KMT2C: variants seen among roughly 807,000 people sequenced by gnomAD.
The protein encoded by KMT2C is lysine methyltransferase 2C, also known as histone-lysine N-methyltransferase 2C.
A neutral mutation model predicts 507.9 loss-of-function variants in KMT2C; 88 were observed. That is an observed-to-expected ratio of 0.17 (90% CI 0.15 to 0.21). The LOEUF (loss-of-function observed/expected upper bound fraction) is 0.21. Among genes scored for constraint, KMT2C ranks in the 10% least tolerant of loss-of-function variants. The pLI, the probability that KMT2C is intolerant of heterozygous loss-of-function variation, is 1.00. For synonymous variants in KMT2C, 2,049 were observed against 2,080.8 expected, an observed-to-expected ratio of 0.98 and a Z score of 0.42; for missense variants, 4,954 against 5,957.8, an observed-to-expected ratio of 0.83 and a Z score of 5.55.
intron 20 of KMT2C, among the ~76,000 whole-genome samples, chr7:152,223,725 C>T (rs761965633): frequency 2.4e-4 from 36 of 152,084 alleles, no homozygotes; most frequent in Middle Eastern, 3.4e-3. Context: ...ACCCAGGAGG[C>T]GGAGGTGGAG....
chr7:152,189,968 C>T (rs2093741153), intron 31 of KMT2C, among the ~76,000 whole-genome samples: 1 of 152,192 alleles, frequency 6.6e-6, no homozygotes, highest in Non-Finnish European at 1.5e-5. Flanking sequence ...GGGCAAGTGA[C>T]CATTACCGCC....
At chr7:152,266,567 G>A (rs2095861218) in intron 7 of KMT2C, among the ~76,000 whole-genome samples, 1 of 151,954 alleles carries the variant, frequency 6.6e-6, no homozygotes, top group African/African-American at 2.4e-5. Flanking sequence ...TGAAGGTTTG[G>A]TCAATCCTAT....
chr7:152,218,224 G>A (rs997995383), intron 23 of KMT2C, among the ~76,000 whole-genome samples: 10 of 151,962 alleles, frequency 6.6e-5, no homozygotes, highest in African/African-American at 2.4e-4. Flanking sequence ...GAGTGCAGTG[G>A]CTCGATCTTG....
Position 152,230,653 on chromosome 7 carries a change from A to G in KMT2C, c.2770-332T>C, listed in dbSNP as rs138389028. Among the ~76,000 whole-genome samples, 1,322 of 152,354 alleles carry G rather than the reference A, an allele frequency of 8.7e-3. 22 individuals carry two copies. Among genetic ancestry groups the G allele is most frequent in the African/African-American group, 0.031 (1,274 of 41,572 alleles). On this transcript the variant is annotated intron_variant, in intron 16 of 58. Coordinates refer to ENST00000262189, the MANE Select transcript of KMT2C (RefSeq NM_170606.3). ...TATGTACCCACACAAATCTATCACT[A>G]TTTTAATGACACACACTTGGGATCT...
chr7:152,364,176 C>G (rs954358200), intron 1 of KMT2C, among the ~76,000 whole-genome samples: 1 of 152,178 alleles, frequency 6.6e-6, no homozygotes, highest in Non-Finnish European at 1.5e-5. Context: ...AACTTAACTA[C>G]TGGGCATAAT....
At position 152,273,735 on chromosome 7, in the gene KMT2C, G is replaced by A. The variant is rs2129177697; in HGVS notation, c.982C>T (p.Pro328Ser). ...TCAGGAGCTTGGTCAATGTGTTCTG[G>A]ACAAAGCAGGAAGATGTGACTGAAA... is the stretch of plus-strand genomic sequence containing the variant. Reference protein sequence around the residue: ...QDFSHIFLLCPEHIDQAPERS... With the variant: ...QDFSHIFLLCSEHIDQAPERS... The change falls in exon 7 of 59, where the codon CCA becomes TCA. Residue 328 changes from proline to serine, a missense_variant. Physicochemically the swap from Pro to Ser is moderately conservative, Grantham distance 74 (BLOSUM62 -1). This residue lies in a region of KMT2C where 24 missense variants were observed against 82.7 expected (regional missense o/e 0.29). Coordinates refer to ENST00000262189, the MANE Select transcript of KMT2C (RefSeq NM_170606.3). 1 of 1,614,114 alleles carries A rather than the reference G, an allele frequency of 6.2e-7. No individual in the cohort carries two copies. The highest frequency in any genetic ancestry group is 2.2e-5 in the East Asian group (1 of 44,878).
At chr7:152,366,976 G>T (rs1265516996) in intron 1 of KMT2C, 2 of 546,776 alleles carry the variant, frequency 3.7e-6, no homozygotes, top group Non-Finnish European at 6.5e-6. Flanking sequence ...AATGGCCAGC[G>T]CCAGTTGCAG....
chr7:152,192,079 TTA>T (rs924323375), intron 31 of KMT2C, among the ~76,000 whole-genome samples: 1 of 152,056 alleles, frequency 6.6e-6, no homozygotes, highest in Admixed American at 6.6e-5. Context: ...CCAAGACCTT[TTA>T]AAAATGAGAC....
chr7:152,189,177 G>A (rs1418679126), intron 31 of KMT2C, among the ~76,000 whole-genome samples: 1 of 152,108 alleles, frequency 6.6e-6, no homozygotes, highest in Admixed American at 6.6e-5. Context: ...CTTTAAGCAT[G>A]TAACTCCAGT....
At chr7:152,260,206 T>A (rs141871698) in intron 9 of KMT2C, among the ~76,000 whole-genome samples, 125 of 152,318 alleles carry the variant, frequency 8.2e-4, no homozygotes, top group African/African-American at 2.9e-3. Flanking sequence ...AGTCCCTTCA[T>A]AGAACAGGAT....
At chr7:152,380,831 C>G (rs1005494001) in intron 1 of KMT2C, among the ~76,000 whole-genome samples, 2 of 151,798 alleles carry the variant, frequency 1.3e-5, no homozygotes, top group African/African-American at 4.8e-5. Flanking sequence ...GAATGGCGGG[C>G]AGGTGGACAG....
chr7:152,367,090 T>C, intron 1 of KMT2C: 4 of 803,994 alleles, frequency 5.0e-6, no homozygotes, highest in Non-Finnish European at 8.3e-6. Flanking sequence ...GCTGCATTTT[T>C]ATCCAGAGAA....
At position 152,177,824 on chromosome 7, in the gene KMT2C, T is replaced by C. The variant is rs2093270197; in HGVS notation, c.7629A>G (p.Pro2543=). The C allele has an allele frequency of 1.2e-6, 2 of 1,613,714 alleles. No individual in the cohort carries two copies. The highest frequency in any genetic ancestry group is 4.5e-5 in the East Asian group (2 of 44,844). ...TGTGCTGCTGAACTGGCAAGCTCTGTGGTGAAAAATGCTGAGGAAGTCCAA... is the reference window on the plus strand; with the variant it reads ...TGTGCTGCTGAACTGGCAAGCTCTGCGGTGAAAAATGCTGAGGAAGTCCAA... ...NPVGLPQHFS[P]QSLPVQQHNI... is the part of the protein sequence containing the mutation. Residue 2543 remains proline (P), a synonymous_variant, in exon 38 of 59, where the codon CCA becomes CCG. Coordinates refer to ENST00000262189, the MANE Select transcript of KMT2C (RefSeq NM_170606.3).
chr7:152,281,998 A>G (rs568335122), intron 6 of KMT2C, among the ~76,000 whole-genome samples: 1 of 152,188 alleles, frequency 6.6e-6, no homozygotes, highest in South Asian at 2.1e-4. Context: ...AGGTTGTAAG[A>G]AAATAACATA....
At chr7:152,141,534 T>C (rs6952130) in intron 55 of KMT2C, among the ~76,000 whole-genome samples, 20,543 of 138,600 alleles carry the variant, frequency 0.15, 3,617 homozygotes, top group African/African-American at 0.43. Flanking sequence ...TATGGTGAAA[T>C]CCCATCTCTA....
At chr7:152,175,848 C>T (rs140536173) in intron 38 of KMT2C, among the ~76,000 whole-genome samples, 2 of 152,284 alleles carry the variant, frequency 1.3e-5, no homozygotes, top group African/African-American at 4.8e-5. Flanking sequence ...TGAGACCAGC[C>T]TGGCCAACAT....
At chr7:152,317,095 G>C (rs1347242291) in intron 3 of KMT2C, among the ~76,000 whole-genome samples, 1 of 152,104 alleles carries the variant, frequency 6.6e-6, no homozygotes, top group Non-Finnish European at 1.5e-5. Flanking sequence ...ATATTTTAAA[G>C]CTATTGCAGA....
chr7:152,370,204 AAAG>A (rs1195010819), intron 1 of KMT2C, among the ~76,000 whole-genome samples: 4 of 152,138 alleles, frequency 2.6e-5, no homozygotes, highest in African/African-American at 4.8e-5. Context: ...AAAAAAAAAA[AAAG>A]AAGACAATAA....
chr7:152,344,220 T>G (rs563420802), intron 2 of KMT2C, among the ~76,000 whole-genome samples: 3 of 152,182 alleles, frequency 2.0e-5, no homozygotes, highest in African/African-American at 4.8e-5. Context: ...TGCCATCTTA[T>G]CCATGGGGAA....
Sources: gnomAD v4.1 joint callset for allele counts (sites outside exome capture counted in the v4.1 genomes callset) on GRCh38, gnomAD v4.1.1 for gene constraint, gnomAD v4.1.1 regional missense constraint, MANE v1.5 for transcripts, NCBI Gene and HGNC (gene_info 2026-07-23, HGNC 2026-07-21) for gene names.